The following FRAS1 variants were observed in gnomAD, a reference collection of about 807,000 sequenced individuals.
FRAS1 encodes the protein Fraser extracellular matrix complex subunit 1.
A neutral mutation model predicts 435.2 loss-of-function variants in FRAS1; 290 were observed. The observed-to-expected ratio is 0.67, with a 90% CI of 0.61 to 0.73. The LOEUF is 0.73. FRAS1 is among the 30% of genes least tolerant of loss of function. The pLI is 0.00. For synonymous variants in FRAS1, 1,800 were observed against 1,851.0 expected (o/e 0.97, Z 0.71); for missense variants, 4,860 against 5,001.5 (o/e 0.97, Z 0.85).
At chr4:78,467,326 T>C (rs1300756442) in intron 50 of FRAS1, among the ~76,000 whole-genome samples, 1 of 152,232 alleles carries the variant, frequency 6.6e-6, no homozygotes, top group Non-Finnish European at 1.5e-5. Context: ...GAACATGTGA[T>C]GTTTGATTGT....
In FRAS1 at chr4:78,445,523, T is replaced by C; in HGVS notation, c.5667T>C (p.Gly1889=). 6.4e-7 allele frequency: 1 copy of C among 1,564,506 alleles called. No individual in the cohort carries two copies. Among genetic ancestry groups the C allele is most frequent in the South Asian group, 1.2e-5 (1 of 81,002 alleles). ...KYGCIENTGT[G]DRFGPETASD... ...AATGCTCTCTTGATGTTGATGCAGG[T>C]GATCGTTTTGGCCCTGAAACTGCCA... is the stretch of plus-strand genomic sequence containing the variant. Residue 1889 remains glycine (G), a splice_region_variant and synonymous_variant, in exon 42 of 74, where the codon GGT becomes GGC. Coordinates refer to ENST00000512123, the MANE Select transcript of FRAS1 (RefSeq NM_025074.7).
chr4:78,116,786 T>C (rs1743220221), intron 2 of FRAS1, among the ~76,000 whole-genome samples: 1 of 152,182 alleles, frequency 6.6e-6, no homozygotes, highest in Non-Finnish European at 1.5e-5. Flanking sequence ...CTTTATCCCA[T>C]TTACCAGTCT....
In FRAS1 at chr4:78,308,132, C is replaced by T. The variant is rs1394283875; in HGVS notation, c.1601C>T (p.Pro534Leu). The change falls in exon 15 of 74, where the codon CCC becomes CTC. Residue 534 changes from proline (P) to leucine (L), a missense_variant. Physicochemically the swap from Pro to Leu is moderately conservative, Grantham distance 98. Transcript: ENST00000512123. ...TEKHCLACRDPLHVLRDGGCE... is the reference protein window; with the variant it reads ...TEKHCLACRDLLHVLRDGGCE... ...AAGCACTGCTTGGCCTGCAGAGATC[C>T]CCTCCACGTGCTGAGAGATGGCGGC... 6.2e-7 allele frequency: 1 copy of T among 1,613,778 alleles called. No individual in the cohort carries two copies. Among genetic ancestry groups the T allele is most frequent in the African/African-American group, 1.3e-5 (1 of 74,916 alleles).
chr4:78,119,511 GA>G (rs1162976392), intron 2 of FRAS1, among the ~76,000 whole-genome samples: 2 of 152,098 alleles, frequency 1.3e-5, no homozygotes, highest in African/African-American at 4.8e-5. Context: ...TGAATGACAG[GA>G]TTTCATTCTT....
intron 2 of FRAS1, among the ~76,000 whole-genome samples, chr4:78,159,434 A>G (rs924143978): frequency 6.6e-6 from 1 of 152,172 alleles, no homozygotes; most frequent in African/African-American, 2.4e-5. Context: ...GTTGCTATGG[A>G]CTGTATTCTG....
rs1411422462 is a variant in FRAS1, at chr4:78,120,583, G to C, written c.108+54567G>C. Reference sequence around the variant, plus strand: ...GACCAGCCAGGCTCTGGGGAAAAAGGGGCCTGTGTGCAAAACCACAGCCCA... The same window carrying C: ...GACCAGCCAGGCTCTGGGGAAAAAGCGGCCTGTGTGCAAAACCACAGCCCA... On this transcript the variant is annotated intron_variant, in intron 2 of 73. Coordinates refer to ENST00000512123, the MANE Select transcript of FRAS1 (RefSeq NM_025074.7). Among the ~76,000 whole-genome samples the C allele has an allele frequency of 2.0e-5, 3 of 152,140 alleles. 1 individual carries two copies. The highest frequency in any genetic ancestry group is 4.2e-4 in the South Asian group (2 of 4,818).
chr4:78,341,875 C>T (rs562855595), intron 20 of FRAS1, among the ~76,000 whole-genome samples: 1 of 152,270 alleles, frequency 6.6e-6, no homozygotes, highest in South Asian at 2.1e-4. Context: ...TATAAATTGA[C>T]AGGTTTCTTA....
intron 2 of FRAS1, among the ~76,000 whole-genome samples, chr4:78,217,040 G>A (rs1723798085): frequency 6.6e-6 from 1 of 151,986 alleles, no homozygotes; most frequent in African/African-American, 2.4e-5. Flanking sequence ...GTTAGTCAGG[G>A]TTCTCCAGAG....
intron 2 of FRAS1, among the ~76,000 whole-genome samples, chr4:78,207,361 T>A (rs1180181631): frequency 6.6e-6 from 1 of 152,240 alleles, no homozygotes; most frequent in Non-Finnish European, 1.5e-5. Flanking sequence ...TTTAAATTGC[T>A]GTCTCAGATA....
chr4:78,317,084 A>G (rs1359619051), intron 16 of FRAS1, among the ~76,000 whole-genome samples: 1 of 152,220 alleles, frequency 6.6e-6, no homozygotes. Flanking sequence ...TGCCTACCTC[A>G]TAATGTTGTT....
At chr4:78,294,369 A>G (rs941729400) in intron 14 of FRAS1, among the ~76,000 whole-genome samples, 39 of 152,276 alleles carry the variant, frequency 2.6e-4, no homozygotes, top group African/African-American at 8.9e-4. Context: ...AGGATTGGGG[A>G]GGGAACACAG....
At chr4:78,280,065 A>G (rs1727255672) in intron 10 of FRAS1, among the ~76,000 whole-genome samples, 1 of 152,230 alleles carries the variant, frequency 6.6e-6, no homozygotes, top group South Asian at 2.1e-4. Context: ...ACTTCTTCAC[A>G]GTTTCATAGA....
At chr4:78,132,216 C>A (rs906568309) in intron 2 of FRAS1, among the ~76,000 whole-genome samples, 1 of 152,164 alleles carries the variant, frequency 6.6e-6, no homozygotes, top group Non-Finnish European at 1.5e-5. Context: ...TCAGGAAGGG[C>A]AGCCAGTACT....
intron 2 of FRAS1, among the ~76,000 whole-genome samples, chr4:78,140,390 A>G (rs1277400469): frequency 6.6e-6 from 1 of 152,010 alleles, no homozygotes; most frequent in Non-Finnish European, 1.5e-5. Context: ...TTTATTTTAG[A>G]TCTCTAGTTC....
intron 2 of FRAS1, among the ~76,000 whole-genome samples, chr4:78,222,078 C>A (rs990961330): frequency 4.6e-5 from 7 of 151,998 alleles, no homozygotes; most frequent in Admixed American, 3.9e-4. Context: ...GCTCTGCCCC[C>A]CTGGAGCTCT....
At chr4:78,348,110 C>T (rs1730677655) in intron 20 of FRAS1, among the ~76,000 whole-genome samples, 1 of 41,122 alleles carries the variant, frequency 2.4e-5, no homozygotes, top group Admixed American at 2.0e-4. Context: ...GAGTGCCAGA[C>T]AGTGGGCGCA....
At chr4:78,270,180 G>A (rs13118323) in intron 9 of FRAS1, among the ~76,000 whole-genome samples, 144,012 of 152,312 alleles carry the variant, frequency 0.95, 68,482 homozygotes, top group Non-Finnish European at 1. Flanking sequence ...GGCTGCTTCT[G>A]TAAATAGAAA....
chr4:78,479,067 A>G (rs557708593), intron 55 of FRAS1, among the ~76,000 whole-genome samples: 42 of 152,396 alleles, frequency 2.8e-4, no homozygotes, highest in Admixed American at 7.8e-4. Context: ...AATATGTGTC[A>G]TATCTTTCCA....
At chr4:78,483,475 C>A (rs1415826078) in intron 58 of FRAS1, among the ~76,000 whole-genome samples, 3 of 151,944 alleles carry the variant, frequency 2.0e-5, no homozygotes, top group African/African-American at 7.3e-5. Flanking sequence ...GCAGCAGGAC[C>A]CTCATTAGCA....
Sources: gnomAD v4.1 joint callset for allele counts (sites outside exome capture counted in the v4.1 genomes callset) on GRCh38, gnomAD v4.1.1 for gene constraint, MANE v1.5 for transcripts, NCBI Gene and HGNC (gene_info 2026-07-23, HGNC 2026-07-21) for gene names.